The following CABIN1 variants were observed in gnomAD, a reference collection of about 807,000 sequenced individuals.
CABIN1 encodes the protein calcineurin binding protein 1.
In CABIN1, 133 loss-of-function variants were observed where a neutral mutation model predicts 227.7. That is an observed-to-expected ratio of 0.58 (90% CI 0.51 to 0.67). The LOEUF is 0.67. Ranked by LOEUF, CABIN1 falls within the 30% of genes least tolerant of loss-of-function variation. The pLI, the probability that CABIN1 is intolerant of heterozygous loss-of-function variation, is 0.00. For synonymous variants in CABIN1, 1,086 were observed against 1,155.1 expected (o/e 0.94, Z 1.21); for missense variants, 2,408 against 2,852.5 (o/e 0.84, Z 3.55).
intron 29 of CABIN1, among the ~76,000 whole-genome samples, chr22:24,152,872 C>G (rs1465095579): frequency 6.6e-6 from 1 of 152,080 alleles, no homozygotes; most frequent in East Asian, 1.9e-4. Context: ...ATTGCTTGAA[C>G]CCACGAGACA....
At chr22:24,060,579 G>A (rs1293892532) in intron 12 of CABIN1, among the ~76,000 whole-genome samples, 5 of 152,146 alleles carry the variant, frequency 3.3e-5, no homozygotes, top group African/African-American at 9.7e-5. Flanking sequence ...GAAACATTTG[G>A]TTTGTTTGAG....
At chr22:24,023,570 T>A (rs945099166) in intron 1 of CABIN1, among the ~76,000 whole-genome samples, 16 of 152,226 alleles carry the variant, frequency 1.1e-4, no homozygotes, top group African/African-American at 3.4e-4. Context: ...CTTTCTGTTT[T>A]ATTTTTTTGA....
At chr22:24,059,419 A>G in intron 11 of CABIN1, 56 bp downstream of exon 11, 2 of 1,595,056 alleles carry the variant, frequency 1.3e-6, no homozygotes, top group Middle Eastern at 1.7e-4. Context: ...CCACTATCCT[A>G]TAACCTGCTT....
rs569640779 is a variant in CABIN1, at chr22:24,085,628, C to T, written c.3263+477C>T. On this transcript the variant is annotated intron_variant, in intron 22 of 36. Coordinates refer to ENST00000263119, the MANE Select transcript of CABIN1 (RefSeq NM_012295.4). ...TGATGCAGTGCACTGTTAGCAGTAG[C>T]GATTGTCATGATAGTACATGTAGAA... Among the ~76,000 whole-genome samples, 121 of 152,254 alleles carry T rather than the reference C, an allele frequency of 7.9e-4. 2 individuals carry two copies. The South Asian group carries it at 0.024, about 30-fold the overall frequency.
At position 24,049,141 on chromosome 22, in the gene CABIN1, A is replaced by G; in HGVS notation, c.577A>G (p.Lys193Glu). Residue 193 changes from lysine (K) to glutamate (E), a missense_variant, in exon 7 of 37, where the codon AAA becomes GAA. This residue lies in a region of CABIN1 where 1,045 missense variants were observed against 1,168.4 expected (regional missense o/e 0.89). Transcript: ENST00000263119. ...KALEKDCRYS[K>E]GLVLKEKIFE... Reference sequence around the variant, plus strand: ...TTTGGAGAAGGATTGCCGGTACAGCAAAGGGCTGGTCCTCAAGGAGAAGAT... The same window carrying G: ...TTTGGAGAAGGATTGCCGGTACAGCGAAGGGCTGGTCCTCAAGGAGAAGAT... 1 of 1,614,136 alleles carries G rather than the reference A, an allele frequency of 6.2e-7. No individual in the cohort carries two copies. Among genetic ancestry groups the G allele is most frequent in the Non-Finnish European group, 8.5e-7 (1 of 1,180,018 alleles).
chr22:24,133,575 A>C (rs1286273746), intron 28 of CABIN1, among the ~76,000 whole-genome samples: 1 of 152,250 alleles, frequency 6.6e-6, no homozygotes, highest in Non-Finnish European at 1.5e-5. Flanking sequence ...CCCAGGTGCC[A>C]AGCCCAGCTC....
chr22:24,166,776 A>G lies in CABIN1; in HGVS notation c.5145A>G (p.Ser1715=). Residue 1715 remains serine (S), a synonymous_variant, in exon 32 of 37, where the codon TCA becomes TCG. Coordinates refer to ENST00000263119, the MANE Select transcript of CABIN1 (RefSeq NM_012295.4). ...AGAAGCCCCCTCTGGCTGATGGCTC[A>G]GGGCCAGGGCCCGAGCCAGGAGGCA... ...QPKKPPLADG[S]GPGPEPGGKV... The G allele has an allele frequency of 6.2e-7, 1 of 1,612,934 alleles. No individual in the cohort carries two copies. Among genetic ancestry groups the G allele is most frequent in the Middle Eastern group, 1.6e-4 (1 of 6,062 alleles).
chr22:24,120,849 G>A lies in CABIN1; in HGVS notation c.4632+1151G>A, dbSNP rs1043968093. Among the ~76,000 whole-genome samples, 3 of 152,292 alleles carry A rather than the reference G, an allele frequency of 2.0e-5. No individual in the cohort carries two copies. In the South Asian group the frequency reaches 6.2e-4, roughly 32 times the overall value. ...AATAAATAAAAAATAAAAACATGCA[G>A]ATGAGTAAAGCAAGTCTCATTTGAA... is the stretch of plus-strand genomic sequence containing the variant. On this transcript the variant is annotated intron_variant, in intron 28 of 36. Coordinates refer to ENST00000263119, the MANE Select transcript of CABIN1 (RefSeq NM_012295.4).
At chr22:24,080,315 G>A (rs936573204) in intron 19 of CABIN1, among the ~76,000 whole-genome samples, 4 of 152,126 alleles carry the variant, frequency 2.6e-5, no homozygotes, top group African/African-American at 7.2e-5. Flanking sequence ...ACCTGGTAGG[G>A]TTAACCTACT....
At position 24,177,417 on chromosome 22, in the gene CABIN1, A is replaced by C; in HGVS notation, c.6206-87A>C. ...AAACTACACAGCATAAAGGCCCAGGACCTGGGGGGAGCGGGTGGGGGCGAG... is the reference window on the plus strand; with the variant it reads ...AAACTACACAGCATAAAGGCCCAGGCCCTGGGGGGAGCGGGTGGGGGCGAG... On this transcript the variant is annotated intron_variant, in intron 35 of 36. Transcript: ENST00000263119. The surrounding 1 kb of genome is among the most constrained non-coding windows in gnomAD (Gnocchi z 4.4). The C allele has an allele frequency of 8.5e-7, 1 of 1,176,330 alleles. No homozygotes were observed. Among genetic ancestry groups the C allele is most frequent in the African/African-American group, 1.5e-5 (1 of 65,198 alleles). 72.9% of individuals were successfully genotyped at this position (1,176,330 alleles called of 1,614,324 possible). A position where few individuals can be genotyped will look rare whatever the true frequency, so the allele number is the denominator to read the frequency against.
At chr22:24,079,455 T>C (rs1300695070) in intron 19 of CABIN1, among the ~76,000 whole-genome samples, 1 of 152,212 alleles carries the variant, frequency 6.6e-6, no homozygotes. Flanking sequence ...GTGTACATTG[T>C]TAACTTTAAA....
chr22:24,016,333 G>T (rs1485230132), intron 1 of CABIN1, among the ~76,000 whole-genome samples: 2 of 152,066 alleles, frequency 1.3e-5, no homozygotes, highest in Non-Finnish European at 2.9e-5. Context: ...TTATTTTTAT[G>T]GCTGAATAAT....
chr22:24,071,064 C>G (rs750618765), intron 17 of CABIN1, 22 bp downstream of exon 17: 6 of 1,614,098 alleles, frequency 3.7e-6, no homozygotes, highest in Non-Finnish European at 5.1e-6. Flanking sequence ...CTCCTTCTCA[C>G]CCTGCCCTGC....
intron 26 of CABIN1, 27 bp from the exon 27 acceptor site, chr22:24,113,539 G>A (rs752640723): frequency 1.3e-5 from 21 of 1,609,342 alleles, no homozygotes; most frequent in African/African-American, 5.3e-5. Context: ...TAATGCTCTC[G>A]CCCTCTCTTC....
At chr22:24,069,946 T>C (rs1479857722) in intron 16 of CABIN1, among the ~76,000 whole-genome samples, 1 of 152,102 alleles carries the variant, frequency 6.6e-6, no homozygotes, top group Non-Finnish European at 1.5e-5. Context: ...CAGCAGGTGC[T>C]TCCTGTAGGT....
At position 24,134,389 on chromosome 22, in the gene CABIN1, G is replaced by C; in HGVS notation, c.4720G>C (p.Glu1574Gln). ...QHMPAQGLFC[E>Q]RNKTNFFNGI... ...CATGCCGGCACAGGGGCTCTTCTGC[G>C]AGAGGAACAAGACCAATTTCTTCAA... Residue 1574 changes from glutamate to glutamine, a missense_variant, in exon 29 of 37, where the codon GAG becomes CAG. By Grantham distance (29) the Glu-to-Gln change is conservative. Around this residue, in one of 3 missense-constraint regions of CABIN1, gnomAD observed 649 missense variants for 910.3 expected, o/e 0.71. Coordinates refer to ENST00000263119, the MANE Select transcript of CABIN1 (RefSeq NM_012295.4). 1 of 1,614,064 alleles carries C rather than the reference G, an allele frequency of 6.2e-7. No homozygotes were observed. Among genetic ancestry groups the C allele is most frequent in the Non-Finnish European group, 8.5e-7 (1 of 1,179,932 alleles).
intron 18 of CABIN1, among the ~76,000 whole-genome samples, chr22:24,073,766 C>G (rs917607765): frequency 6.6e-6 from 1 of 152,058 alleles, no homozygotes; most frequent in African/African-American, 2.4e-5. Context: ...ACTGAGCAAG[C>G]CTTAAGTCAG....
At chr22:24,052,813 A>G (rs1225629137) in intron 8 of CABIN1, among the ~76,000 whole-genome samples, 2 of 151,796 alleles carry the variant, frequency 1.3e-5, no homozygotes, top group African/African-American at 4.8e-5. Context: ...AAAATTAAAA[A>G]ATAAAATTTG....
At chr22:24,137,930 G>A (rs1055762729) in intron 29 of CABIN1, among the ~76,000 whole-genome samples, 2 of 152,172 alleles carry the variant, frequency 1.3e-5, no homozygotes, top group Non-Finnish European at 2.9e-5. Context: ...CCTGCACTGG[G>A]GTTTACTGCT....
Sources: gnomAD v4.1 joint callset for allele counts (sites outside exome capture counted in the v4.1 genomes callset) on GRCh38, gnomAD v4.1.1 for gene constraint, gnomAD v4.1.1 regional missense constraint, Gnocchi (gnomAD v3.1) non-coding constraint, MANE v1.5 for transcripts, NCBI Gene and HGNC (gene_info 2026-07-23, HGNC 2026-07-21) for gene names.